Variants in RIMS1 observed in about 807,000 individuals in gnomAD.
RIMS1 encodes regulating synaptic membrane exocytosis protein 1.
Under a neutral mutation model 214.1 loss-of-function variants are expected in RIMS1, and 83 were observed. The observed-to-expected ratio is 0.39, with a 90% CI of 0.32 to 0.47. The LOEUF (loss-of-function observed/expected upper bound fraction) is 0.47, where lower values mean the gene tolerates loss of function less well. Among genes scored for constraint, RIMS1 ranks in the 20% least tolerant of loss-of-function variants. The pLI, the probability that RIMS1 is intolerant of heterozygous loss-of-function variation, is 0.99. For missense variants in RIMS1, 2,050 were observed against 2,161.8 expected (o/e 0.95, Z 1.03); for synonymous variants, 793 against 786.8 (o/e 1.01, Z -0.13).
chr6:72,263,506 A>C (rs1591132511), intron 19 of RIMS1: 1 of 984,908 alleles, frequency 1.0e-6, no homozygotes, highest in South Asian at 4.7e-5. Flanking sequence ...TCAGACTATA[A>C]ATTTTGTGCT....
At chr6:72,118,291 C>A (rs1187944352) in intron 4 of RIMS1, among the ~76,000 whole-genome samples, 5 of 151,044 alleles carry the variant, frequency 3.3e-5, no homozygotes, top group Non-Finnish European at 7.4e-5. Context: ...AGGTTTTTTC[C>A]ACTGATTCCC....
At chr6:71,890,596 A>AAAAAAC (rs1554194854) in intron 1 of RIMS1, among the ~76,000 whole-genome samples, 7,355 of 112,482 alleles carry the variant, frequency 0.065, 1,309 homozygotes, top group East Asian at 0.15. Flanking sequence ...AAAAAAAAAA[A>AAAAAAC]ACTTCATAGA....
At chr6:72,117,745 A>G (rs1479728236) in intron 4 of RIMS1, among the ~76,000 whole-genome samples, 1 of 152,002 alleles carries the variant, frequency 6.6e-6, no homozygotes, top group Admixed American at 6.6e-5. Context: ...TAGTAACACA[A>G]CTTATCAAAA....
At chr6:72,035,982 G>C (rs1254505498) in intron 2 of RIMS1, among the ~76,000 whole-genome samples, 1 of 152,114 alleles carries the variant, frequency 6.6e-6, no homozygotes, top group Non-Finnish European at 1.5e-5. Context: ...TAAAGAAGTA[G>C]GTAGCTGTTG....
chr6:72,183,264 A>G, intron 6 of RIMS1, 115 bp downstream of exon 6: 1 of 980,290 alleles, frequency 1.0e-6, no homozygotes, highest in Non-Finnish European at 1.5e-6. Context: ...ATGCTCACAG[A>G]TAAGATAGCG....
chr6:72,031,957 TTATAA>T lies in RIMS1; in HGVS notation c.245+62901_245+62905del, dbSNP rs575301928. 4.1e-3 allele frequency among the ~76,000 whole-genome samples: 623 copies of T among 152,268 alleles called. 3 individuals carry two copies. Among genetic ancestry groups the T allele is most frequent in the African/African-American group, 0.012 (515 of 41,546 alleles). On this transcript the variant is annotated intron_variant, in intron 2 of 33. Transcript: ENST00000521978. Reference sequence around the variant, plus strand: ...ATAATTAGAATGCATAAGCAAGGTTTTATAATATAATGTAAAGTATTGGCTTTAAG... The same window carrying T: ...ATAATTAGAATGCATAAGCAAGGTTTTATAATGTAAAGTATTGGCTTTAAG...
chr6:71,979,941 C>T (rs976618397), intron 2 of RIMS1, among the ~76,000 whole-genome samples: 1 of 152,032 alleles, frequency 6.6e-6, no homozygotes, highest in African/African-American at 2.4e-5. Flanking sequence ...ATGTGAATAT[C>T]ACTGAATTGG....
At chr6:72,117,058 G>A (rs985185485) in intron 4 of RIMS1, among the ~76,000 whole-genome samples, 2 of 151,880 alleles carry the variant, frequency 1.3e-5, no homozygotes, top group African/African-American at 4.8e-5. Flanking sequence ...TGCTTGTCTT[G>A]GAGAATTCCG....
At chr6:72,284,864 C>T (rs890045031) in intron 24 of RIMS1, among the ~76,000 whole-genome samples, 1 of 151,996 alleles carries the variant, frequency 6.6e-6, no homozygotes, top group South Asian at 2.1e-4. Context: ...AGTATGAACA[C>T]AAGAAAAGTT....
rs532697852 is a variant in RIMS1, at chr6:72,123,089, G to A, written c.471+23103G>A. Among the ~76,000 whole-genome samples, 60 of 151,570 alleles carry A rather than the reference G, an allele frequency of 4.0e-4. No homozygotes were observed. The East Asian group carries it at 8.9e-3, about 22-fold the overall frequency. On this transcript the variant is annotated intron_variant, in intron 4 of 33. Coordinates refer to ENST00000521978, the MANE Select transcript of RIMS1 (RefSeq NM_014989.7). Reference sequence around the variant, plus strand: ...AGGGTGTCAATTGTAGATCTTTCCCGCTTTCTCTTGTGGGCATTTAGTGCT... The same window carrying A: ...AGGGTGTCAATTGTAGATCTTTCCCACTTTCTCTTGTGGGCATTTAGTGCT...
At chr6:72,210,154 T>C (rs1430711962) in intron 6 of RIMS1, among the ~76,000 whole-genome samples, 1 of 152,172 alleles carries the variant, frequency 6.6e-6, no homozygotes, top group African/African-American at 2.4e-5. Flanking sequence ...ACTCTTAATC[T>C]ATGAAATGGG....
chr6:72,244,439 A>G (rs980777241), intron 10 of RIMS1, among the ~76,000 whole-genome samples: 3 of 151,884 alleles, frequency 2.0e-5, no homozygotes, highest in Non-Finnish European at 3.0e-5. Context: ...AGGCATGTAA[A>G]TTCCAAAGTT....
chr6:72,038,090 C>CAA (rs869130217), intron 2 of RIMS1, among the ~76,000 whole-genome samples: 11 of 22,242 alleles, frequency 4.9e-4, no homozygotes, highest in Non-Finnish European at 6.4e-4. Context: ...AACAAACAAG[C>CAA]AAAAAAAAAA....
intron 6 of RIMS1, among the ~76,000 whole-genome samples, chr6:72,222,147 A>C (rs1440255726): frequency 6.6e-6 from 1 of 152,024 alleles, no homozygotes; most frequent in Non-Finnish European, 1.5e-5. Context: ...TAATCTTTCA[A>C]ATGGTAATTT....
chr6:72,165,100 AT>A (rs1019792098), intron 4 of RIMS1, among the ~76,000 whole-genome samples: 19 of 151,778 alleles, frequency 1.3e-4, no homozygotes, highest in Admixed American at 3.9e-4. Flanking sequence ...TATATTAAAT[AT>A]TTTTTTCCAT....
intron 19 of RIMS1, chr6:72,262,027 G>GATTT (rs995149059): frequency 4.9e-5 from 48 of 984,504 alleles, no homozygotes; most frequent in Non-Finnish European, 5.8e-5. Context: ...CTCTTGATGT[G>GATTT]ACTAAAGCTT....
intron 4 of RIMS1, among the ~76,000 whole-genome samples, chr6:72,147,287 T>C (rs1036046041): frequency 6.6e-6 from 1 of 152,198 alleles, no homozygotes; most frequent in Non-Finnish European, 1.5e-5. Flanking sequence ...ACATAACACA[T>C]ATATAACTAC....
In RIMS1 at chr6:72,066,068, G is replaced by A. The variant is rs528519642; in HGVS notation, c.246-30881G>A. Reference sequence around the variant, plus strand: ...CTCAGGGGTAGTTGTATATATGCAGGTGAAGACCATGGAGGAACTCAGATT... The same window carrying A: ...CTCAGGGGTAGTTGTATATATGCAGATGAAGACCATGGAGGAACTCAGATT... On this transcript the variant is annotated intron_variant, in intron 2 of 33. Coordinates refer to ENST00000521978, the MANE Select transcript of RIMS1 (RefSeq NM_014989.7). Among the ~76,000 whole-genome samples the A allele has an allele frequency of 2.6e-5, 4 of 152,186 alleles. No individual in the cohort carries two copies. The South Asian group carries it at 8.3e-4, about 32-fold the overall frequency.
chr6:72,341,617 G>A (rs998502874), intron 29 of RIMS1, among the ~76,000 whole-genome samples: 2 of 151,856 alleles, frequency 1.3e-5, no homozygotes, highest in Admixed American at 6.6e-5. Flanking sequence ...AAAAATAGAA[G>A]TATCATTTAC....
Sources: allele counts gnomAD v4.1 joint callset (sites outside exome capture counted in the v4.1 genomes callset), GRCh38; gene constraint gnomAD v4.1.1; transcripts MANE v1.5; gene names NCBI Gene and HGNC (gene_info 2026-07-23, HGNC 2026-07-21).